The following FNBP1L variants were observed in gnomAD, a reference collection of about 807,000 sequenced individuals.
The protein encoded by FNBP1L is formin-binding protein 1-like.
Under a neutral mutation model 91.2 loss-of-function variants are expected in FNBP1L, and 36 were observed. That is an observed-to-expected ratio of 0.39 (90% confidence interval 0.30 to 0.52). The LOEUF is 0.52. Ranked by LOEUF, FNBP1L falls within the 20% of genes least tolerant of loss-of-function variation. The pLI is 0.66. For synonymous variants in FNBP1L, 242 were observed against 237.0 expected, an observed-to-expected ratio of 1.02 and a Z score of -0.19; for missense variants, 571 against 732.1, an observed-to-expected ratio of 0.78 and a Z score of 2.54.
At chr1:93,456,289 A>C (rs1023571692) in intron 1 of FNBP1L, among the ~76,000 whole-genome samples, 1 of 152,216 alleles carries the variant, frequency 6.6e-6, no homozygotes, top group African/African-American at 2.4e-5. Context: ...ATAAATAACT[A>C]ATCAGCAGAC....
intron 11 of FNBP1L, 51 bp from the exon 12 acceptor site, chr1:93,544,056 A>T (rs1191535147): frequency 7.4e-7 from 1 of 1,351,198 alleles, no homozygotes; most frequent in Admixed American, 2.4e-5. Context: ...ATATTTTAAA[A>T]ATAAAATTTC....
At chr1:93,539,644 T>C (rs1354062138) in intron 10 of FNBP1L, among the ~76,000 whole-genome samples, 1 of 152,164 alleles carries the variant, frequency 6.6e-6, no homozygotes, top group African/African-American at 2.4e-5. Context: ...CAAATTCATA[T>C]ACTTCAAATA....
intron 1 of FNBP1L, among the ~76,000 whole-genome samples, chr1:93,463,496 T>C (rs1668969063): frequency 6.6e-6 from 1 of 152,148 alleles, no homozygotes; most frequent in African/African-American, 2.4e-5. Flanking sequence ...TTTATAAATA[T>C]TTCCTTATGT....
intron 1 of FNBP1L, among the ~76,000 whole-genome samples, chr1:93,463,230 G>T (rs557309189): frequency 6.6e-6 from 1 of 152,136 alleles, no homozygotes; most frequent in South Asian, 2.1e-4. Flanking sequence ...TGCATTTCCT[G>T]CCCCAAACCT....
chr1:93,507,055 G>T (rs920261855), intron 2 of FNBP1L, among the ~76,000 whole-genome samples: 11 of 70,110 alleles, frequency 1.6e-4, no homozygotes, highest in Non-Finnish European at 3.0e-4. Context: ...GAAAAACATG[G>T]AACACACACA....
intron 1 of FNBP1L, among the ~76,000 whole-genome samples, chr1:93,489,468 A>C (rs1227150670): frequency 6.6e-6 from 1 of 152,114 alleles, no homozygotes; most frequent in Non-Finnish European, 1.5e-5. Flanking sequence ...CATTCTTCCT[A>C]CTTCATAAGG....
rs768998180 is a variant in FNBP1L at position 93,533,006 on chromosome 1, C to G, written c.724C>G (p.Pro242Ala). The change falls in exon 8 of 17, where the codon CCC becomes GCC. Residue 242 changes from proline to alanine, a missense_variant. Around this residue, in one of 5 missense-constraint regions of FNBP1L, gnomAD observed 220 missense variants for 313.6 expected, o/e 0.70. Coordinates refer to ENST00000271234, the MANE Select transcript of FNBP1L (RefSeq NM_001164473.3). The stretch of plus-strand genomic sequence containing the variant: ...TGCTGACTCAGAACGCAAAGTTATT[C>G]CCATCATTTCAAAATGTTTGGAAGG... ...GFADSERKVI[P>A]IISKCLEGMI... 6.8e-6 allele frequency: 11 copies of G among 1,613,168 alleles called. No individual in the cohort carries two copies. Among genetic ancestry groups the G allele is most frequent in the Admixed American group, 1.7e-5 (1 of 59,992 alleles).
At chr1:93,509,461 A>G (rs921436929) in intron 2 of FNBP1L, among the ~76,000 whole-genome samples, 1 of 152,236 alleles carries the variant, frequency 6.6e-6, no homozygotes, top group African/African-American at 2.4e-5. Context: ...GTGAAATAAC[A>G]TGGCTTTTTG....
At chr1:93,502,991 T>C (rs1486431872) in intron 2 of FNBP1L, among the ~76,000 whole-genome samples, 1 of 152,232 alleles carries the variant, frequency 6.6e-6, no homozygotes, top group Non-Finnish European at 1.5e-5. Context: ...TCCTCTTTAA[T>C]GGGAAAAATT....
At chr1:93,498,666 T>C (rs1000972461) in intron 1 of FNBP1L, among the ~76,000 whole-genome samples, 1 of 152,190 alleles carries the variant, frequency 6.6e-6, no homozygotes, top group African/African-American at 2.4e-5. Flanking sequence ...AAGTTATTAG[T>C]CAATTTGGAG....
intron 2 of FNBP1L, among the ~76,000 whole-genome samples, chr1:93,511,897 C>T (rs1422038861): frequency 2.9e-4 from 39 of 132,738 alleles, no homozygotes; most frequent in East Asian, 1.7e-3. Flanking sequence ...ACCCGGGAGG[C>T]GGAGCTTGCA....
chr1:93,515,433 A>G (rs1671056217), intron 2 of FNBP1L, among the ~76,000 whole-genome samples: 1 of 152,030 alleles, frequency 6.6e-6, no homozygotes. Context: ...CCAAAGGACT[A>G]TAAATCATGC....
At chr1:93,513,938 A>G (rs1259904734) in intron 2 of FNBP1L, among the ~76,000 whole-genome samples, 1 of 152,140 alleles carries the variant, frequency 6.6e-6, no homozygotes, top group Non-Finnish European at 1.5e-5. Context: ...GGCAGGAGAA[A>G]GAAATAAAGG....
At chr1:93,542,054 A>AT (rs1672064218) in intron 11 of FNBP1L, among the ~76,000 whole-genome samples, 2 of 152,160 alleles carry the variant, frequency 1.3e-5, no homozygotes, top group South Asian at 4.1e-4. Context: ...TTATTCAATA[A>AT]TTTTTCAAGA....
chr1:93,480,822 A>G (rs1669677358), intron 1 of FNBP1L, among the ~76,000 whole-genome samples: 1 of 152,136 alleles, frequency 6.6e-6, no homozygotes, highest in South Asian at 2.1e-4. Flanking sequence ...TCGGCCTCCC[A>G]AAGTGCTGGG....
At chr1:93,534,288 C>G (rs537006290) in intron 8 of FNBP1L, among the ~76,000 whole-genome samples, 22 of 152,124 alleles carry the variant, frequency 1.4e-4, no homozygotes, top group African/African-American at 5.1e-4. Flanking sequence ...TTCCTCATTC[C>G]AAAGATTAGC....
intron 16 of FNBP1L, chr1:93,551,448 T>TCTCTGCCCC: frequency 1.0e-6 from 1 of 997,678 alleles, no homozygotes; most frequent in Non-Finnish European, 1.2e-6. Flanking sequence ...ATAGTAATGC[T>TCTCTGCCCC]CTCTGCCCCC....
intron 5 of FNBP1L, among the ~76,000 whole-genome samples, chr1:93,524,552 T>C (rs1239291594): frequency 6.6e-6 from 1 of 151,410 alleles, no homozygotes; most frequent in African/African-American, 2.4e-5. Context: ...CTCTGTAATC[T>C]TCAATCATTG....
intron 2 of FNBP1L, among the ~76,000 whole-genome samples, chr1:93,518,226 G>T (rs755222157): frequency 6.6e-6 from 1 of 152,058 alleles, no homozygotes; most frequent in Non-Finnish European, 1.5e-5. Context: ...TCACGTAATA[G>T]AGTCATTTTA....
Sources: allele counts gnomAD v4.1 joint callset (sites outside exome capture counted in the v4.1 genomes callset), GRCh38; gene constraint gnomAD v4.1.1; regional missense constraint gnomAD v4.1.1; transcripts MANE v1.5; gene names NCBI Gene and HGNC (gene_info 2026-07-23, HGNC 2026-07-21).